Variants in CAMTA1 observed in about 807,000 individuals in gnomAD.
CAMTA1 encodes calmodulin binding transcription activator 1.
A neutral mutation model predicts 170.9 loss-of-function variants in CAMTA1; 27 were observed. The observed-to-expected ratio is 0.16, with a 90% CI of 0.12 to 0.22. CAMTA1 has a LOEUF of 0.22. Ranked by LOEUF, CAMTA1 falls within the 10% of genes least tolerant of loss-of-function variation. CAMTA1 has a pLI of 1.00. For synonymous variants in CAMTA1, 833 were observed against 891.5 expected (o/e 0.93, Z 1.17); for missense variants, 1,619 against 2,217.2 (o/e 0.73, Z 5.42).
At chr1:7,416,828 G>A (rs1362268763) in intron 5 of CAMTA1, among the ~76,000 whole-genome samples, 2 of 152,222 alleles carry the variant, frequency 1.3e-5, no homozygotes, top group Non-Finnish European at 2.9e-5. Flanking sequence ...TGGAGGAGGA[G>A]AGGTGCTCTG....
chr1:7,022,732 G>C (rs1372251816), intron 3 of CAMTA1, among the ~76,000 whole-genome samples: 1 of 152,122 alleles, frequency 6.6e-6, no homozygotes, highest in Admixed American at 6.5e-5. Flanking sequence ...TTGGGCAAGA[G>C]TATGATTCCC....
At chr1:6,967,180 G>A (rs1691705666) in intron 3 of CAMTA1, among the ~76,000 whole-genome samples, 1 of 151,962 alleles carries the variant, frequency 6.6e-6, no homozygotes, top group African/African-American at 2.4e-5. Flanking sequence ...GGTGGAGGTT[G>A]CAGTGAGCCG....
At chr1:7,432,130 C>T (rs2149365069) in intron 5 of CAMTA1, among the ~76,000 whole-genome samples, 1 of 152,326 alleles carries the variant, frequency 6.6e-6, no homozygotes, top group South Asian at 2.1e-4. Flanking sequence ...CAGCGCAGAG[C>T]CCAGGGGCCC....
At chr1:7,359,210 T>C (rs1286422803) in intron 5 of CAMTA1, among the ~76,000 whole-genome samples, 1 of 151,218 alleles carries the variant, frequency 6.6e-6, no homozygotes, top group Non-Finnish European at 1.5e-5. Context: ...AGTGAGTCTC[T>C]GGAGACCCAG....
chr1:7,509,551 C>G (rs2149870930), intron 6 of CAMTA1, among the ~76,000 whole-genome samples: 1 of 152,272 alleles, frequency 6.6e-6, no homozygotes, highest in East Asian at 1.9e-4. Context: ...CCCAGGATCC[C>G]TGAGTGGTTT....
chr1:7,720,748 T>C (rs1442252413), intron 11 of CAMTA1, among the ~76,000 whole-genome samples: 3 of 152,312 alleles, frequency 2.0e-5, no homozygotes, highest in African/African-American at 7.2e-5. Context: ...GAAGTTCCAG[T>C]GTGTGCCTGT....
In CAMTA1 at chr1:7,751,287, G is replaced by A; in HGVS notation, c.4778G>A (p.Ser1593Asn). The A allele has an allele frequency of 6.2e-7, 1 of 1,612,900 alleles. No individual in the cohort carries two copies. The highest frequency in any genetic ancestry group is 8.5e-7 in the Non-Finnish European group (1 of 1,179,736). Residue 1593 changes from serine (S) to asparagine (N), a missense_variant, in exon 20 of 23, where the codon AGC becomes AAC. Physicochemically the swap from Ser to Asn is conservative, Grantham distance 46. This residue lies in a region of CAMTA1 where 128 missense variants were observed against 213.5 expected (regional missense o/e 0.60). Transcript: ENST00000303635. ...TATGAACAAAAAAAATTCCAGCAGA[G>A]CCGACGGGCTGCTGTGCTCATCCAA... ...SYYEQKKFQQ[S>N]RRAAVLIQKY...
chr1:7,606,907 G>T (rs2095490519), intron 6 of CAMTA1, among the ~76,000 whole-genome samples: 1 of 152,210 alleles, frequency 6.6e-6, no homozygotes, highest in Non-Finnish European at 1.5e-5. Context: ...CATTCCTCTA[G>T]TTGAGCACTC....
intron 22 of CAMTA1, among the ~76,000 whole-genome samples, chr1:7,759,856 AGAAAAT>A (rs2096961419): frequency 6.6e-6 from 1 of 152,260 alleles, no homozygotes; most frequent in Non-Finnish European, 1.5e-5. Context: ...TTTTCTAGAC[AGAAAAT>A]GTCTTTCCAC....
intron 5 of CAMTA1, among the ~76,000 whole-genome samples, chr1:7,398,750 G>A (rs749188710): frequency 4.6e-5 from 7 of 151,956 alleles, no homozygotes; most frequent in Non-Finnish European, 5.9e-5. Context: ...TTGAGGTTTG[G>A]TGATTTTCTA....
intron 9 of CAMTA1, among the ~76,000 whole-genome samples, chr1:7,668,454 T>G (rs529550459): frequency 7.3e-6 from 1 of 137,542 alleles, no homozygotes. Flanking sequence ...CCCAGAGGCG[T>G]CCCCCTATGC....
chr1:7,311,478 T>A lies in CAMTA1; in HGVS notation c.438+61852T>A, dbSNP rs866414610. 1.4e-4 allele frequency among the ~76,000 whole-genome samples: 22 copies of A among 152,250 alleles called. 1 individual carries two copies. Among genetic ancestry groups the A allele is most frequent in the African/African-American group, 5.3e-4 (22 of 41,472 alleles). On this transcript the variant is annotated intron_variant, in intron 5 of 22. Transcript: ENST00000303635. ...TATTCTCTACTTATTTTCTGAAACA[T>A]TTCATTTTTCCATTTGTTTTTAGAG...
chr1:7,026,458 C>A (rs1039432235), intron 3 of CAMTA1, among the ~76,000 whole-genome samples: 13 of 152,128 alleles, frequency 8.5e-5, no homozygotes, highest in Admixed American at 2.6e-4. Context: ...GTCTGGATTT[C>A]CTGCTACCTG....
At chr1:7,744,521 C>G (rs964641976) in intron 16 of CAMTA1, among the ~76,000 whole-genome samples, 1 of 152,120 alleles carries the variant, frequency 6.6e-6, no homozygotes, top group Non-Finnish European at 1.5e-5. Flanking sequence ...TTACAGGTTA[C>G]TCTAGAACTG....
At chr1:6,956,940 G>T (rs1557883455) in intron 3 of CAMTA1, among the ~76,000 whole-genome samples, 1 of 152,202 alleles carries the variant, frequency 6.6e-6, no homozygotes, top group Non-Finnish European at 1.5e-5. Flanking sequence ...GTAGCGGTCG[G>T]GCCAGCATGG....
intron 4 of CAMTA1, among the ~76,000 whole-genome samples, chr1:7,149,799 G>A (rs1248110895): frequency 6.6e-6 from 1 of 152,194 alleles, no homozygotes; most frequent in Non-Finnish European, 1.5e-5. Flanking sequence ...AGGTGCCGAC[G>A]GTGCCCAGGG....
intron 5 of CAMTA1, among the ~76,000 whole-genome samples, chr1:7,252,863 C>G: frequency 6.6e-6 from 1 of 152,128 alleles, no homozygotes; most frequent in Non-Finnish European, 1.5e-5. Context: ...AACTTCCAGC[C>G]CTGTTTATGG....
chr1:7,702,964 G>A (rs1476430447), intron 11 of CAMTA1, among the ~76,000 whole-genome samples: 2 of 152,042 alleles, frequency 1.3e-5, no homozygotes, highest in East Asian at 1.9e-4. Context: ...TTTAACTCCC[G>A]CACCATAGAT....
chr1:7,664,091 C>T lies in CAMTA1; in HGVS notation c.1544C>T (p.Ser515Leu), dbSNP rs558047708. 16 of 1,613,598 alleles carry T rather than the reference C, an allele frequency of 9.9e-6. No homozygotes were observed. Among genetic ancestry groups the T allele is most frequent in the East Asian group, 8.9e-5 (4 of 44,876 alleles). The change falls in exon 9 of 23, where the codon TCG (serine) becomes TTG (leucine). Residue 515 changes from serine to leucine, a missense_variant. Physicochemically the swap from Ser to Leu is moderately radical, Grantham distance 145 (BLOSUM62 -2). Transcript: ENST00000303635. Reference protein sequence around the residue: ...AEMVSSNIRHSPPGERSFSFT... With the variant: ...AEMVSSNIRHLPPGERSFSFT... ...ATGGTCAGCTCCAACATCCGGCACTCGCCACCCGGGGAGCGGAGCTTCAGC... is the reference window on the plus strand; with the variant it reads ...ATGGTCAGCTCCAACATCCGGCACTTGCCACCCGGGGAGCGGAGCTTCAGC...
Sources: allele counts gnomAD v4.1 joint callset (sites outside exome capture counted in the v4.1 genomes callset), GRCh38; gene constraint gnomAD v4.1.1; regional missense constraint gnomAD v4.1.1; transcripts MANE v1.5; gene names NCBI Gene and HGNC (gene_info 2026-07-23, HGNC 2026-07-21).